KIF5C: variants seen among roughly 807,000 people sequenced by gnomAD.
The protein encoded by KIF5C is kinesin family member 5C, also known as kinesin heavy chain isoform 5C.
Under a neutral mutation model 125.2 loss-of-function variants are expected in KIF5C, and 18 were observed. That is an observed-to-expected ratio of 0.14 (90% CI 0.10 to 0.21). KIF5C has a LOEUF of 0.21. KIF5C is among the 10% of genes least tolerant of loss of function. KIF5C has a pLI of 1.00. For missense variants in KIF5C, 780 were observed against 1,183.8 expected (o/e 0.66, Z 5.01); for synonymous variants, 405 against 434.0 (o/e 0.93, Z 0.83).
chr2:149,008,128 C>A, intron 23 of KIF5C, 61 bp downstream of exon 23: 1 of 1,531,678 alleles, frequency 6.5e-7, no homozygotes, highest in Non-Finnish European at 8.8e-7. Context: ...GAAGCCCCAC[C>A]AGGTTTGGCC....
At chr2:148,994,832 G>T (rs1681622665) in intron 17 of KIF5C, among the ~76,000 whole-genome samples, 2 of 151,958 alleles carry the variant, frequency 1.3e-5, no homozygotes, top group Non-Finnish European at 2.9e-5. Context: ...CTCCTGAGTA[G>T]CTGGGACTAT....
chr2:148,875,575 G>GGCCCCCCCCCC lies in KIF5C; in HGVS notation c.-43_-42insGCCCCCCCCCC. The GGCCCCCCCCCC allele has an allele frequency of 8.6e-6, 6 of 699,590 alleles. No individual in the cohort carries two copies. Among genetic ancestry groups the GGCCCCCCCCCC allele is most frequent in the Middle Eastern group, 3.9e-4 (1 of 2,532 alleles). The allele number at this position is 699,590 out of a possible 1,614,324, so 43.3% of individuals were successfully genotyped here. The stretch of plus-strand genomic sequence containing the variant: ...TCCTCCCTCGTCGTTCCCGGCCCCG[G>GGCCCCCCCCCC]CCCCCCACCCATCCCCGTGCCCCCT... On this transcript the variant is annotated 5_prime_UTR_variant, in exon 1 of 26. Coordinates refer to ENST00000435030, the MANE Select transcript of KIF5C (RefSeq NM_004522.3).
chr2:148,962,442 G>A (rs757358304), intron 11 of KIF5C, among the ~76,000 whole-genome samples: 2 of 151,792 alleles, frequency 1.3e-5, no homozygotes, highest in Non-Finnish European at 1.5e-5. Context: ...GCCTCCCAAA[G>A]TGCTGGGATT....
chr2:148,958,431 C>T (rs540821671), intron 10 of KIF5C, among the ~76,000 whole-genome samples: 1 of 152,254 alleles, frequency 6.6e-6, no homozygotes, highest in African/African-American at 2.4e-5. Flanking sequence ...TCCCTGAAGG[C>T]TAATGATGTT....
In KIF5C at chr2:148,875,574, G is replaced by GGCCCCCCCCCCCCCCCCCC; in HGVS notation, c.-37_-36insCCCCCCCCCCCCGCCCCCC. 2 of 495,096 alleles carry GGCCCCCCCCCCCCCCCCCC rather than the reference G, an allele frequency of 4.0e-6. No individual in the cohort carries two copies. Among genetic ancestry groups the GGCCCCCCCCCCCCCCCCCC allele is most frequent in the South Asian group, 1.9e-5 (1 of 53,304 alleles). 30.7% of individuals were successfully genotyped at this position (495,096 alleles called of 1,614,324 possible). On this transcript the variant is annotated 5_prime_UTR_variant, in exon 1 of 26. Coordinates refer to ENST00000435030, the MANE Select transcript of KIF5C (RefSeq NM_004522.3). ...CTCCTCCCTCGTCGTTCCCGGCCCC[G>GGCCCCCCCCCCCCCCCCCC]GCCCCCCACCCATCCCCGTGCCCCC...
chr2:148,875,584 C>CA lies in KIF5C; in HGVS notation c.-34_-33insA. ...GTCGTTCCCGGCCCCGGCCCCCCAC[C>CA]CATCCCCGTGCCCCCTCCCTACCGC... On this transcript the variant is annotated 5_prime_UTR_variant, in exon 1 of 26. Coordinates refer to ENST00000435030, the MANE Select transcript of KIF5C (RefSeq NM_004522.3). 1 of 972,458 alleles carries CA rather than the reference C, an allele frequency of 1.0e-6. No individual in the cohort carries two copies. The highest frequency in any genetic ancestry group is 1.6e-6 in the Non-Finnish European group (1 of 635,412). 60.2% of individuals were successfully genotyped at this position (972,458 alleles called of 1,614,324 possible). A position where few individuals can be genotyped will look rare whatever the true frequency, so the allele number is the denominator to read the frequency against.
chr2:148,943,021 A>G (rs1482725906), intron 7 of KIF5C, among the ~76,000 whole-genome samples: 1 of 152,176 alleles, frequency 6.6e-6, no homozygotes, highest in African/African-American at 2.4e-5. Context: ...TAACAGCCTA[A>G]GCCTGAACAT....
chr2:148,902,106 T>C (rs995095803), intron 1 of KIF5C, among the ~76,000 whole-genome samples: 9 of 152,166 alleles, frequency 5.9e-5, no homozygotes, highest in African/African-American at 1.9e-4. Flanking sequence ...CGTTGGTCCA[T>C]AACAAAATGG....
rs770593093 is a variant in KIF5C at position 148,981,337 on chromosome 2, G to A, written c.1363-18G>A. 1 of 1,596,734 alleles carries A rather than the reference G, an allele frequency of 6.3e-7. No homozygotes were observed. The highest frequency in any genetic ancestry group is 8.5e-7 in the Non-Finnish European group (1 of 1,171,950). On this transcript the variant is annotated intron_variant, in intron 13 of 25. Transcript: ENST00000435030. ...TGAACATTAGATTCACAAGTTCCAT[G>A]CCATCTCATTTCCCCAGCTTTTAGC...
At chr2:149,018,193 C>A (rs1218983705) in intron 25 of KIF5C, among the ~76,000 whole-genome samples, 1 of 152,130 alleles carries the variant, frequency 6.6e-6, no homozygotes, top group Admixed American at 6.5e-5. Context: ...GAAGGGTGAG[C>A]TGGGAGGATC....
chr2:148,882,140 C>T (rs944734753), intron 1 of KIF5C, among the ~76,000 whole-genome samples: 7 of 152,110 alleles, frequency 4.6e-5, no homozygotes, highest in Admixed American at 1.3e-4. Context: ...TTAGATTCAC[C>T]GTGGCGTCTT....
rs556165802 is a variant in KIF5C at position 148,916,651 on chromosome 2, A to T, written c.127-5486A>T. ...TTGGTCACCAACTTTTTTTTTTTTTAAAAACAGAATGACACTGACCACATC... is the reference window on the plus strand; with the variant it reads ...TTGGTCACCAACTTTTTTTTTTTTTTAAAACAGAATGACACTGACCACATC... On this transcript the variant is annotated intron_variant, in intron 1 of 25. Coordinates refer to ENST00000435030, the MANE Select transcript of KIF5C (RefSeq NM_004522.3). 4.2e-3 allele frequency among the ~76,000 whole-genome samples: 633 copies of T among 150,446 alleles called. 5 individuals carry two copies. The highest frequency in any genetic ancestry group is 0.013 in the African/African-American group (553 of 41,030).
chr2:148,961,810 G>A (rs1314510389), intron 10 of KIF5C, among the ~76,000 whole-genome samples, 161 bp from the exon 11 acceptor site: 1 of 152,174 alleles, frequency 6.6e-6, no homozygotes, highest in Non-Finnish European at 1.5e-5. Context: ...AAGGGTTAGT[G>A]GTGCCGTTAG....
At chr2:148,928,333 G>T (rs531926090) in intron 2 of KIF5C, among the ~76,000 whole-genome samples, 1 of 152,286 alleles carries the variant, frequency 6.6e-6, no homozygotes, top group South Asian at 2.1e-4. Flanking sequence ...TCTACAGCTT[G>T]TGCAAATGAA....
intron 15 of KIF5C, among the ~76,000 whole-genome samples, chr2:148,988,424 T>G (rs1046389860): frequency 1.3e-5 from 2 of 152,190 alleles, no homozygotes. Context: ...ATATCTATAT[T>G]TTTACTCTTC....
intron 1 of KIF5C, among the ~76,000 whole-genome samples, chr2:148,877,601 T>C (rs559943437): frequency 6.6e-6 from 1 of 152,358 alleles, no homozygotes; most frequent in South Asian, 2.1e-4. Context: ...TGGGGACATC[T>C]AGTCCCTGCC....
At chr2:148,998,280 G>C (rs1358190295) in intron 18 of KIF5C, 120 bp from the exon 19 acceptor site, 1 of 1,468,462 alleles carries the variant, frequency 6.8e-7, no homozygotes, top group Non-Finnish European at 9.1e-7. Flanking sequence ...AATGCCCCCA[G>C]TTTTGGGATC....
intron 7 of KIF5C, among the ~76,000 whole-genome samples, chr2:148,943,263 AG>A (rs1203157237): frequency 6.6e-6 from 1 of 152,172 alleles, no homozygotes; most frequent in African/African-American, 2.4e-5. Flanking sequence ...CTTTAGGGAA[AG>A]CCTTCCGATA....
intron 21 of KIF5C, among the ~76,000 whole-genome samples, chr2:149,001,775 A>T (rs1681858672): frequency 6.6e-6 from 1 of 152,224 alleles, no homozygotes; most frequent in South Asian, 2.1e-4. Context: ...TGATTCAATG[A>T]CAGAGAGAAA....
Sources: allele counts gnomAD v4.1 joint callset (sites outside exome capture counted in the v4.1 genomes callset), GRCh38; gene constraint gnomAD v4.1.1; transcripts MANE v1.5; gene names NCBI Gene and HGNC (gene_info 2026-07-23, HGNC 2026-07-21).